The following CCNT2 variants were observed in gnomAD, a reference collection of about 807,000 sequenced individuals.
The protein encoded by CCNT2 is cyclin T2, also known as cyclin-T2.
Under a neutral mutation model 70.0 loss-of-function variants are expected in CCNT2, and 18 were observed. The observed-to-expected ratio is 0.26, with a 90% CI of 0.18 to 0.38. The LOEUF (loss-of-function observed/expected upper bound fraction) is 0.38. CCNT2 is among the 10% of genes least tolerant of loss of function. CCNT2 has a pLI of 1.00. For missense variants in CCNT2, 734 were observed against 890.2 expected (o/e 0.82, Z 2.23); for synonymous variants, 334 against 313.3 (o/e 1.07, Z -0.70).
chr2:134,948,836 TC>T (rs1682207044), intron 7 of CCNT2, among the ~76,000 whole-genome samples: 1 of 151,422 alleles, frequency 6.6e-6, no homozygotes, highest in African/African-American at 2.4e-5. Context: ...TGCCTCAGCC[TC>T]CCAAGTCGCT....
chr2:134,940,627 CAT>C (rs1681510081), intron 4 of CCNT2, among the ~76,000 whole-genome samples: 1 of 152,282 alleles, frequency 6.6e-6, no homozygotes, highest in South Asian at 2.1e-4. Flanking sequence ...AGTGAGCTCA[CAT>C]GTTATGAGTA....
intron 5 of CCNT2, 164 bp downstream of exon 5, chr2:134,942,838 A>G (rs1681672647): frequency 7.2e-6 from 10 of 1,382,424 alleles, no homozygotes; most frequent in South Asian, 5.1e-5. Flanking sequence ...ATCTACTTCT[A>G]TTTGTGATTC....
intron 2 of CCNT2, among the ~76,000 whole-genome samples, chr2:134,924,583 G>A (rs184641708): frequency 6.6e-6 from 1 of 152,204 alleles, no homozygotes; most frequent in Non-Finnish European, 1.5e-5. Context: ...CTGGGTAGCT[G>A]GGATTACAGG....
At chr2:134,935,461 A>G (rs1038410574) in intron 2 of CCNT2, among the ~76,000 whole-genome samples, 5 of 152,204 alleles carry the variant, frequency 3.3e-5, no homozygotes, top group Non-Finnish European at 5.9e-5. Context: ...TACTGAAAGG[A>G]TCCACTGTCC....
intron 2 of CCNT2, among the ~76,000 whole-genome samples, chr2:134,924,966 G>A (rs1680176991): frequency 6.6e-6 from 1 of 152,182 alleles, no homozygotes; most frequent in Admixed American, 6.5e-5. Flanking sequence ...GAATTTTGCT[G>A]ATTGTATACT....
rs774917345 is a variant in CCNT2 at position 134,953,780 on chromosome 2, A to C, written c.1325A>C (p.Lys442Thr). Residue 442 changes from lysine (K) to threonine (T), a missense_variant, in exon 9 of 9, where the codon AAG becomes ACG. Physicochemically the swap from Lys to Thr is moderately conservative, Grantham distance 78. This residue lies in a region of CCNT2 where 532 missense variants were observed against 556.9 expected (regional missense o/e 0.96). Transcript: ENST00000264157. ...QKMSLDKYRE[K>T]RKLETLDLDV... ...ATGTCTTTAGATAAATATAGAGAAA[A>C]GCGTAAACTAGAAACTCTTGATCTC... 6 of 1,614,068 alleles carry C rather than the reference A, an allele frequency of 3.7e-6. No individual in the cohort carries two copies. The highest frequency in any genetic ancestry group is 1.3e-5 in the African/African-American group (1 of 75,054).
intron 2 of CCNT2, among the ~76,000 whole-genome samples, chr2:134,929,328 G>A (rs1471686039): frequency 6.6e-6 from 1 of 152,060 alleles, no homozygotes; most frequent in Non-Finnish European, 1.5e-5. Flanking sequence ...GATCTGGCCA[G>A]GCATGGTGGC....
rs1682923828 is a variant in CCNT2, at chr2:134,956,344, G to A, written c.*1696G>A. On this transcript the variant is annotated 3_prime_UTR_variant, in exon 9 of 9. Coordinates refer to ENST00000264157, the MANE Select transcript of CCNT2 (RefSeq NM_058241.3). The stretch of plus-strand genomic sequence containing the variant: ...TATTTTGTCAATGTTATTTGAACTT[G>A]GGGTACTTAGGAGCCTCTTTGTAGG... 1 of 152,484 alleles carries A rather than the reference G, an allele frequency of 6.6e-6. No individual in the cohort carries two copies. The allele number at this position is 152,484 out of a possible 1,614,324, so 9.4% of individuals were successfully genotyped here. A position where few individuals can be genotyped will look rare whatever the true frequency, so the allele number is the denominator to read the frequency against.
rs1413055887 is a variant in CCNT2 at position 134,953,886 on chromosome 2, T to C, written c.1431T>C (p.Ser477=). 4 of 1,614,042 alleles carry C rather than the reference T, an allele frequency of 2.5e-6. No homozygotes were observed. The East Asian group carries it at 6.7e-5, about 27-fold the overall frequency. Residue 477 remains serine, a synonymous_variant, in exon 9 of 9, where the codon TCT becomes TCC. Transcript: ENST00000264157. ...QGQSQAASSS[S]VTSPIKMKIP... is the part of the protein sequence containing the mutation. ...AGTCACAGGCAGCCAGCAGCAGTTC[T>C]GTTACTTCTCCCATTAAAATGAAAA...
At chr2:134,943,926 T>C in intron 5 of CCNT2, 1 of 959,964 alleles carries the variant, frequency 1.0e-6, no homozygotes, top group Non-Finnish European at 1.2e-6. Flanking sequence ...CTTTTGTTTT[T>C]AGTATTTACC....
chr2:134,953,270 T>C lies in CCNT2; in HGVS notation c.815T>C (p.Val272Ala), dbSNP rs911061111. 6.2e-7 allele frequency: 1 copy of C among 1,613,848 alleles called. No homozygotes were observed. Among genetic ancestry groups the C allele is most frequent in the African/African-American group, 1.3e-5 (1 of 74,928 alleles). The part of the protein sequence containing the change: ...AARKPKVDGQ[V>A]SETPLLGSSL... The stretch of plus-strand genomic sequence containing the variant: ...AGGAAACCAAAAGTAGATGGACAGG[T>C]ATCAGAGACACCACTTCTTGGTTCA... The change falls in exon 9 of 9, where the codon GTA becomes GCA. Residue 272 changes from valine (V) to alanine (A), a missense_variant. Transcript: ENST00000264157.
rs1165780768 is a variant in CCNT2 at position 134,944,768 on chromosome 2, C to T, written c.494-1333C>T. ...TTTTAGTGTCTTTTTGTTTTCTTTG[C>T]TCTTTTACAACTTTTAGCTAACAGC... is the stretch of plus-strand genomic sequence containing the variant. On this transcript the variant is annotated intron_variant, in intron 5 of 8. Coordinates refer to ENST00000264157, the MANE Select transcript of CCNT2 (RefSeq NM_058241.3). 3 of 985,120 alleles carry T rather than the reference C, an allele frequency of 3.0e-6. No individual in the cohort carries two copies. In the African/African-American group the frequency reaches 5.2e-5, roughly 17 times the overall value. 61.0% of individuals were successfully genotyped at this position (985,120 alleles called of 1,614,324 possible). A position where few individuals can be genotyped will look rare whatever the true frequency, so the allele number is the denominator to read the frequency against.
intron 7 of CCNT2, among the ~76,000 whole-genome samples, chr2:134,948,524 T>TA (rs776157707): frequency 3.0e-4 from 46 of 152,158 alleles, no homozygotes; most frequent in African/African-American, 8.7e-4. Flanking sequence ...ATTGTTGCCT[T>TA]ACATTGTTAA....
intron 3 of CCNT2, among the ~76,000 whole-genome samples, chr2:134,937,895 C>A (rs1203687250): frequency 6.6e-6 from 1 of 152,028 alleles, no homozygotes; most frequent in East Asian, 1.9e-4. Context: ...GCCTAGGCAA[C>A]AAGAGTGAAA....
intron 2 of CCNT2, among the ~76,000 whole-genome samples, chr2:134,926,490 G>A (rs1680310066): frequency 6.6e-6 from 1 of 152,176 alleles, no homozygotes; most frequent in Admixed American, 6.5e-5. Flanking sequence ...AACCTTGGAA[G>A]ATCAATTTCA....
In CCNT2 at chr2:134,918,969, C is replaced by G. The variant is rs1237998539; in HGVS notation, c.115C>G (p.Gln39Glu). The G allele has an allele frequency of 6.2e-7, 1 of 1,613,648 alleles. No homozygotes were observed. Among genetic ancestry groups the G allele is most frequent in the Non-Finnish European group, 8.5e-7 (1 of 1,179,918 alleles). The change falls in exon 1 of 9, where the codon CAG becomes GAG. Residue 39 changes from glutamine to glutamate, a missense_variant. Transcript: ENST00000264157. Reference sequence around the variant, plus strand: ...GGATAAAGAGCTCTCGTGCCGCCAGCAGGCGGCCAACCTCATCCAGGAGAT... The same window carrying G: ...GGATAAAGAGCTCTCGTGCCGCCAGGAGGCGGCCAACCTCATCCAGGAGAT... The part of the protein sequence containing the change: ...EADKELSCRQ[Q>E]AANLIQEMGQ...
intron 2 of CCNT2, among the ~76,000 whole-genome samples, chr2:134,929,523 G>A (rs536183756): frequency 1.1e-4 from 16 of 151,140 alleles, no homozygotes; most frequent in South Asian, 4.2e-4. Context: ...CAGGAAAATC[G>A]CTTGAGCCCA....
chr2:134,955,174 G>A lies in CCNT2; in HGVS notation c.*526G>A, dbSNP rs1359245281. 1 of 154,682 alleles carries A rather than the reference G, an allele frequency of 6.5e-6. No homozygotes were observed. Among genetic ancestry groups the A allele is most frequent in the Admixed American group, 6.3e-5 (1 of 15,778 alleles). 9.6% of individuals were successfully genotyped at this position (154,682 alleles called of 1,614,324 possible). On this transcript the variant is annotated 3_prime_UTR_variant, in exon 9 of 9. Coordinates refer to ENST00000264157, the MANE Select transcript of CCNT2 (RefSeq NM_058241.3). Reference sequence around the variant, plus strand: ...GATATTACCGTAAATACTCAGGATTGGAGCTGCTTGTAAGTATAACAATAT... The same window carrying A: ...GATATTACCGTAAATACTCAGGATTAGAGCTGCTTGTAAGTATAACAATAT...
At chr2:134,936,519 C>T (rs2105048185) in intron 2 of CCNT2, among the ~76,000 whole-genome samples, 1 of 152,058 alleles carries the variant, frequency 6.6e-6, no homozygotes, top group South Asian at 2.1e-4. Context: ...TTTGGGAGGC[C>T]GAGGCAGATG....
Sources: allele counts gnomAD v4.1 joint callset (sites outside exome capture counted in the v4.1 genomes callset), GRCh38; gene constraint gnomAD v4.1.1; regional missense constraint gnomAD v4.1.1; transcripts MANE v1.5; gene names NCBI Gene and HGNC (gene_info 2026-07-23, HGNC 2026-07-21).